The following ZBTB20 variants were observed in gnomAD, a reference collection of about 807,000 sequenced individuals.
ZBTB20 encodes zinc finger and BTB domain containing 20.
In ZBTB20, 9 loss-of-function variants were observed where a neutral mutation model predicts 56.9. The ratio of observed to expected loss-of-function variants is 0.16; its 90% CI spans 0.10 to 0.28. The LOEUF (loss-of-function observed/expected upper bound fraction) is 0.28. Ranked by LOEUF, ZBTB20 falls within the 10% of genes least tolerant of loss-of-function variation. ZBTB20 has a pLI of 1.00. For missense variants in ZBTB20, 655 were observed against 1,003.0 expected (o/e 0.65, Z 4.69); for synonymous variants, 417 against 420.7 (o/e 0.99, Z 0.11).
At chr3:114,821,133 CT>C (rs1443130940) in intron 4 of ZBTB20, among the ~76,000 whole-genome samples, 2 of 152,148 alleles carry the variant, frequency 1.3e-5, no homozygotes, top group Non-Finnish European at 2.9e-5. Flanking sequence ...TAAAAAATAG[CT>C]GCCAAAGTCA....
rs886438929 is a variant in ZBTB20, at chr3:114,321,172, G to T, written c.*17833C>A. Reference sequence around the variant, plus strand: ...CCCACTGATAAAGAGAGAAACCAAGGAACCAAATGACTTTTCTAGTAACAT... The same window carrying T: ...CCCACTGATAAAGAGAGAAACCAAGTAACCAAATGACTTTTCTAGTAACAT... On this transcript the variant is annotated 3_prime_UTR_variant, in exon 12 of 12. Transcript: ENST00000675478. 1 of 152,130 alleles carries T rather than the reference G, an allele frequency of 6.6e-6. No homozygotes were observed. The highest frequency in any genetic ancestry group is 2.4e-5 in the African/African-American group (1 of 41,406). The allele number at this position is 152,130 out of a possible 1,614,324, so 9.4% of individuals were successfully genotyped here.
intron 4 of ZBTB20, among the ~76,000 whole-genome samples, chr3:114,828,174 G>A (rs995407878): frequency 6.6e-6 from 1 of 151,632 alleles, no homozygotes; most frequent in Non-Finnish European, 1.5e-5. Flanking sequence ...TTGTCAAATA[G>A]AATAAATTTC....
At chr3:114,830,435 T>C (rs1303049920) in intron 4 of ZBTB20, among the ~76,000 whole-genome samples, 2 of 152,104 alleles carry the variant, frequency 1.3e-5, no homozygotes, top group East Asian at 3.9e-4. Context: ...TAAAGTCCTA[T>C]TACCTGCTAA....
chr3:114,785,142 T>A (rs2070392351), intron 5 of ZBTB20, among the ~76,000 whole-genome samples: 1 of 152,144 alleles, frequency 6.6e-6, no homozygotes, highest in Non-Finnish European at 1.5e-5. Flanking sequence ...CTTGGGAACA[T>A]CATCTAACTT....
intron 3 of ZBTB20, among the ~76,000 whole-genome samples, chr3:114,923,979 T>A (rs139833695): frequency 0.016 from 2,369 of 152,230 alleles, 27 homozygotes; most frequent in African/African-American, 0.029. Context: ...GTGCTCAACA[T>A]CAATAATCAT....
chr3:114,965,814 T>C (rs2077625795), intron 3 of ZBTB20, among the ~76,000 whole-genome samples: 2 of 152,144 alleles, frequency 1.3e-5, no homozygotes, highest in Admixed American at 1.3e-4. Context: ...TCTTTTGAGA[T>C]ACGTCTATTC....
chr3:114,557,830 G>A (rs986115553), intron 6 of ZBTB20, among the ~76,000 whole-genome samples: 15 of 151,816 alleles, frequency 9.9e-5, no homozygotes, highest in African/African-American at 3.6e-4. Context: ...GAAAATAAGT[G>A]GTATATAAGC....
intron 7 of ZBTB20, among the ~76,000 whole-genome samples, chr3:114,407,806 C>T (rs778631482): frequency 1.1e-4 from 17 of 151,742 alleles, no homozygotes; most frequent in Non-Finnish European, 1.9e-4. Flanking sequence ...GGGATTGTAT[C>T]GAAATTTGCC....
chr3:114,775,298 C>T (rs2069510649), intron 5 of ZBTB20, among the ~76,000 whole-genome samples: 1 of 152,068 alleles, frequency 6.6e-6, no homozygotes, highest in African/African-American at 2.4e-5. Context: ...TTCCTTTGCC[C>T]CACTTGTTTT....
At position 114,945,435 on chromosome 3, in the gene ZBTB20, G is replaced by A. The variant is rs1016300851; in HGVS notation, c.-456+28931C>T. Among the ~76,000 whole-genome samples, 5 of 144,914 alleles carry A rather than the reference G, an allele frequency of 3.5e-5. No homozygotes were observed. In the South Asian group the frequency reaches 1.1e-3, roughly 31 times the overall value. ...GAGCACTTGAAGAATTATAATTCAG[G>A]ACAATGATAAGACAAAAAATGAGAG... is the stretch of plus-strand genomic sequence containing the variant. On this transcript the variant is annotated intron_variant, in intron 3 of 11. Transcript: ENST00000675478.
intron 7 of ZBTB20, among the ~76,000 whole-genome samples, chr3:114,444,691 A>T (rs556760760): frequency 2.2e-4 from 34 of 152,032 alleles, no homozygotes; most frequent in Non-Finnish European, 4.6e-4. Context: ...CCTGAATATC[A>T]TTTCTTAATC....
At chr3:115,069,888 C>T (rs1217293173) in intron 2 of ZBTB20, among the ~76,000 whole-genome samples, 3 of 151,494 alleles carry the variant, frequency 2.0e-5, no homozygotes, top group African/African-American at 7.3e-5. Context: ...AAGTTATTTT[C>T]ATTTTCATTT....
chr3:114,608,950 A>T (rs1285400046), intron 6 of ZBTB20, among the ~76,000 whole-genome samples: 2 of 152,216 alleles, frequency 1.3e-5, no homozygotes, highest in East Asian at 3.8e-4. Context: ...TAAACAGGAA[A>T]AGAAACCACC....
At chr3:114,546,165 GT>G (rs1282644869) in intron 6 of ZBTB20, among the ~76,000 whole-genome samples, 2 of 151,396 alleles carry the variant, frequency 1.3e-5, no homozygotes, top group Middle Eastern at 3.4e-3. Context: ...GGGTGTAGAT[GT>G]TTTTGGAGCC....
rs972375600 is a variant in ZBTB20, at chr3:114,338,361, G to A, written c.*644C>T. ...GGTGTGTGGACCCGGGCAGAATCTGGGGAAGAAGCCTGCCATTCGTCTTTC... is the reference window on the plus strand; with the variant it reads ...GGTGTGTGGACCCGGGCAGAATCTGAGGAAGAAGCCTGCCATTCGTCTTTC... On this transcript the variant is annotated 3_prime_UTR_variant, in exon 12 of 12. Coordinates refer to ENST00000675478, the MANE Select transcript of ZBTB20 (RefSeq NM_001348800.3). The A allele has an allele frequency of 2.0e-5, 3 of 152,100 alleles. No homozygotes were observed. Among genetic ancestry groups the A allele is most frequent in the Admixed American group, 6.5e-5 (1 of 15,274 alleles). 9.4% of individuals were successfully genotyped at this position (152,100 alleles called of 1,614,324 possible).
chr3:114,918,083 G>C (rs188121443), intron 3 of ZBTB20, among the ~76,000 whole-genome samples: 2 of 152,044 alleles, frequency 1.3e-5, no homozygotes, highest in Non-Finnish European at 2.9e-5. Context: ...GAGCTGGCAC[G>C]CAAGCCACAA....
chr3:114,575,171 T>C (rs1485339655), intron 6 of ZBTB20, among the ~76,000 whole-genome samples: 1 of 152,208 alleles, frequency 6.6e-6, no homozygotes, highest in Admixed American at 6.5e-5. Flanking sequence ...TAGAGAATAA[T>C]AAAAGTCATT....
intron 6 of ZBTB20, among the ~76,000 whole-genome samples, chr3:114,517,387 C>T (rs377453732): frequency 6.6e-6 from 1 of 152,108 alleles, no homozygotes; most frequent in South Asian, 2.1e-4. Flanking sequence ...CATTTATCCT[C>T]TAAATCACTG....
At chr3:114,520,415 T>C (rs2046511222) in intron 6 of ZBTB20, among the ~76,000 whole-genome samples, 1 of 152,178 alleles carries the variant, frequency 6.6e-6, no homozygotes, top group African/African-American at 2.4e-5. Flanking sequence ...GCATGAGATT[T>C]TGAGGTATAC....
Sources: gnomAD v4.1 joint callset for allele counts (sites outside exome capture counted in the v4.1 genomes callset) on GRCh38, gnomAD v4.1.1 for gene constraint, MANE v1.5 for transcripts, NCBI Gene and HGNC (gene_info 2026-07-23, HGNC 2026-07-21) for gene names.